The following EPHA6 variants were observed in gnomAD, a reference collection of about 807,000 sequenced individuals.
The protein encoded by EPHA6 is ephrin type-A receptor 6.
EPHA6 carries 50 observed loss-of-function variants against 112.0 expected under a neutral mutation model. The observed-to-expected ratio is 0.45, with a 90% CI of 0.36 to 0.56. The LOEUF (loss-of-function observed/expected upper bound fraction) is 0.56. EPHA6 is among the 20% of genes least tolerant of loss of function. The probability of loss-of-function intolerance (pLI) is 0.00; values close to 1 mark genes in which losing one functional copy is unlikely to be tolerated. For synonymous variants in EPHA6, 529 were observed against 490.7 expected (o/e 1.08, Z -1.03); for missense variants, 1,280 against 1,417.4 (o/e 0.90, Z 1.56).
Position 97,185,619 on chromosome 3 carries a change from T to G in EPHA6, c.1115-40645T>G, listed in dbSNP as rs182842915. 5.3e-3 allele frequency among the ~76,000 whole-genome samples: 799 copies of G among 152,166 alleles called. 1 individual carries two copies. Among genetic ancestry groups the G allele is most frequent in the Non-Finnish European group, 8.2e-3 (555 of 68,006 alleles). On this transcript the variant is annotated intron_variant, in intron 3 of 17. Transcript: ENST00000389672. ...AACACTTTTACACTGTTGGTGGGAA[T>G]GTAAACTAGCTCAACCATTGTGGAA...
chr3:97,470,297 A>G (rs957994520), intron 7 of EPHA6, among the ~76,000 whole-genome samples: 7 of 151,760 alleles, frequency 4.6e-5, no homozygotes, highest in Non-Finnish European at 1.0e-4. Context: ...GATTTGTGCT[A>G]TGTTTAAAGA....
intron 2 of EPHA6, among the ~76,000 whole-genome samples, chr3:96,896,977 T>C (rs1248794711): frequency 6.6e-6 from 1 of 152,154 alleles, no homozygotes; most frequent in African/African-American, 2.4e-5. Flanking sequence ...GGAAAAATTG[T>C]TATGAAAACA....
chr3:97,570,562 T>G (rs1029618155), intron 11 of EPHA6, among the ~76,000 whole-genome samples: 1 of 152,122 alleles, frequency 6.6e-6, no homozygotes, highest in Non-Finnish European at 1.5e-5. Context: ...AAACCCCATC[T>G]CTACTAAAAA....
chr3:96,904,681 A>T (rs1575987825), intron 2 of EPHA6, among the ~76,000 whole-genome samples: 1 of 152,070 alleles, frequency 6.6e-6, no homozygotes, highest in African/African-American at 2.4e-5. Context: ...GGGAGACTGC[A>T]TTAACAACTC....
At chr3:96,839,362 A>G (rs1380564180) in intron 1 of EPHA6, among the ~76,000 whole-genome samples, 1 of 152,070 alleles carries the variant, frequency 6.6e-6, no homozygotes, top group Non-Finnish European at 1.5e-5. Context: ...GCTCCGTATG[A>G]GAATCCAACT....
chr3:97,740,369 G>T (rs1300574277), intron 16 of EPHA6, among the ~76,000 whole-genome samples: 1 of 152,110 alleles, frequency 6.6e-6, no homozygotes, highest in Non-Finnish European at 1.5e-5. Context: ...TGACACATTA[G>T]GGGCTTCTTG....
At chr3:97,247,508 TTTAAA>T (rs2079018323) in intron 5 of EPHA6, among the ~76,000 whole-genome samples, 2 of 151,804 alleles carry the variant, frequency 1.3e-5, no homozygotes, top group Admixed American at 1.3e-4. Context: ...GGAAGCAACA[TTTAAA>T]TTAAGTTCTG....
intron 5 of EPHA6, among the ~76,000 whole-genome samples, chr3:97,355,429 T>C (rs563408345): frequency 6.6e-6 from 1 of 152,296 alleles, no homozygotes; most frequent in East Asian, 1.9e-4. Flanking sequence ...CATTTGTTTG[T>C]TTTGGCAATC....
chr3:97,741,193 A>G (rs1457248006), intron 16 of EPHA6, among the ~76,000 whole-genome samples: 1 of 151,938 alleles, frequency 6.6e-6, no homozygotes, highest in Non-Finnish European at 1.5e-5. Context: ...ACAAAAAATT[A>G]AAAACTAAAA....
intron 2 of EPHA6, among the ~76,000 whole-genome samples, chr3:96,874,270 G>T (rs2036816034): frequency 6.6e-6 from 1 of 152,066 alleles, no homozygotes; most frequent in South Asian, 2.1e-4. Flanking sequence ...TCAAACTAAG[G>T]ATGCTTAATT....
chr3:97,082,087 ATGT>A (rs2046740720), intron 3 of EPHA6, among the ~76,000 whole-genome samples: 3 of 151,746 alleles, frequency 2.0e-5, no homozygotes, highest in South Asian at 2.1e-4. Context: ...CATGTATAAC[ATGT>A]TGTTTTGAAA....
intron 3 of EPHA6, among the ~76,000 whole-genome samples, chr3:97,177,552 T>G: frequency 6.6e-6 from 1 of 151,952 alleles, no homozygotes; most frequent in East Asian, 1.9e-4. Context: ...TATATATGCA[T>G]GCTCCAGTGT....
chr3:97,713,668 CAT>C (rs2034083410), intron 14 of EPHA6, among the ~76,000 whole-genome samples: 2 of 152,216 alleles, frequency 1.3e-5, no homozygotes, highest in Admixed American at 6.5e-5. Context: ...TGTCTGTACA[CAT>C]ATGACTGTGT....
chr3:97,514,783 T>C lies in EPHA6; in HGVS notation c.2201-17575T>C, dbSNP rs138375617. On this transcript the variant is annotated intron_variant, in intron 10 of 17. Transcript: ENST00000389672. The stretch of plus-strand genomic sequence containing the variant: ...AGAGATCCCTCTCTCTCCACACTCA[T>C]GCACCTAGGAAAGACCATGTGAGGA... 2.1e-3 allele frequency among the ~76,000 whole-genome samples: 324 copies of C among 152,252 alleles called. 2 individuals are homozygous for C. The highest frequency in any genetic ancestry group is 7.2e-3 in the African/African-American group (300 of 41,566).
At chr3:97,481,500 T>C (rs1560054094) in intron 9 of EPHA6, 2 of 1,087,942 alleles carry the variant, frequency 1.8e-6, no homozygotes, top group Non-Finnish European at 2.8e-6. Context: ...ATAGTTCCGG[T>C]TCTTCCTCCG....
rs373953143 is a variant in EPHA6 at position 97,115,541 on chromosome 3, T to C, written c.1115-110723T>C. 3.2e-4 allele frequency among the ~76,000 whole-genome samples: 49 copies of C among 151,954 alleles called. No homozygotes were observed. The South Asian group carries it at 9.7e-3, about 30-fold the overall frequency. ...CAGAACCAGATCTGTTTATTCTATA[T>C]GAAGTTGGAAATTTGTATCTGTAAC... On this transcript the variant is annotated intron_variant, in intron 3 of 17. Transcript: ENST00000389672.
chr3:97,080,359 T>C (rs2046681532), intron 3 of EPHA6, among the ~76,000 whole-genome samples: 1 of 152,130 alleles, frequency 6.6e-6, no homozygotes, highest in African/African-American at 2.4e-5. Flanking sequence ...TTTTTCTTTG[T>C]AATGAAACTA....
intron 12 of EPHA6, among the ~76,000 whole-genome samples, chr3:97,594,662 G>T (rs918209201): frequency 6.6e-6 from 1 of 151,818 alleles, no homozygotes; most frequent in Non-Finnish European, 1.5e-5. Flanking sequence ...TTTATATTTT[G>T]TGTAAAGAGG....
Position 97,532,451 on chromosome 3 carries a change from A to T in EPHA6, c.2294A>T (p.Asp765Val), listed in dbSNP as rs931674082. The change falls in exon 11 of 18, where the codon GAT (aspartate) becomes GTT (valine). Residue 765 changes from aspartate to valine, a missense_variant. Coordinates refer to ENST00000389672, the MANE Select transcript of EPHA6 (RefSeq NM_001080448.3). The part of the protein sequence containing the change: ...AIKTLKGGHM[D>V]RQRRDFLREA... ...AAAACTTTGAAAGGTGGCCACATGG[A>T]TCGGCAAAGAAGAGATTTTCTAAGA... 3 of 1,612,510 alleles carry T rather than the reference A, an allele frequency of 1.9e-6. No homozygotes were observed. Among genetic ancestry groups the T allele is most frequent in the Non-Finnish European group, 2.5e-6 (3 of 1,178,986 alleles).
Sources: gnomAD v4.1 joint callset for allele counts (sites outside exome capture counted in the v4.1 genomes callset) on GRCh38, gnomAD v4.1.1 for gene constraint, MANE v1.5 for transcripts, NCBI Gene and HGNC (gene_info 2026-07-23, HGNC 2026-07-21) for gene names.